Variants in SLC8A1 observed in about 807,000 individuals in gnomAD.
SLC8A1 encodes solute carrier family 8 member A1, also known as sodium/calcium exchanger 1.
In SLC8A1, 18 loss-of-function variants were observed where a neutral mutation model predicts 68.3. The ratio of observed to expected loss-of-function variants is 0.26; its 90% confidence interval spans 0.18 to 0.39. The LOEUF is 0.39. SLC8A1 is among the 10% of genes least tolerant of loss of function. SLC8A1 has a pLI of 1.00. For missense variants in SLC8A1, 985 were observed against 1,156.7 expected, an observed-to-expected ratio of 0.85 and a Z score of 2.15; for synonymous variants, 475 against 415.5, an observed-to-expected ratio of 1.14 and a Z score of -1.74.
intron 7 of SLC8A1, among the ~76,000 whole-genome samples, chr2:40,134,635 T>C (rs557250644): frequency 6.6e-6 from 1 of 152,298 alleles, no homozygotes; most frequent in Non-Finnish European, 1.5e-5. Context: ...ACACTAAAAA[T>C]CATCTACTTA....
intron 2 of SLC8A1, among the ~76,000 whole-genome samples, chr2:40,410,681 G>A (rs1691844152): frequency 6.6e-6 from 1 of 151,988 alleles, no homozygotes; most frequent in African/African-American, 2.4e-5. Context: ...TTACTTCACA[G>A]TTATCATTTT....
chr2:40,458,462 T>G (rs1433130222), intron 1 of SLC8A1, among the ~76,000 whole-genome samples: 2 of 152,020 alleles, frequency 1.3e-5, no homozygotes, highest in East Asian at 3.9e-4. Context: ...AGGGGACTGG[T>G]GTAGATGGAA....
upstream of SLC8A1, among the ~76,000 whole-genome samples, chr2:40,452,808 G>A (rs574558476): frequency 1.5e-4 from 23 of 151,544 alleles, no homozygotes; most frequent in South Asian, 2.1e-3. Context: ...GAGTCTCTGT[G>A]TTGGTATTTC....
At chr2:40,384,461 C>T (rs6747285) in intron 2 of SLC8A1, among the ~76,000 whole-genome samples, 107,475 of 151,836 alleles carry the variant, frequency 0.71, 39,603 homozygotes, top group African/African-American at 0.92. Context: ...AGGCAACATT[C>T]TCTAATTATC....
chr2:40,222,230 C>T (rs147397428), intron 2 of SLC8A1, among the ~76,000 whole-genome samples: 4,169 of 152,190 alleles, frequency 0.027, 214 homozygotes, highest in African/African-American at 0.094. Context: ...CACATATCTA[C>T]AACCATCTGA....
chr2:40,478,025 G>A (rs1042463158), intron 1 of SLC8A1, among the ~76,000 whole-genome samples: 3 of 152,112 alleles, frequency 2.0e-5, no homozygotes, highest in Non-Finnish European at 2.9e-5. Context: ...TTGGCTATAG[G>A]TTTTGACATC....
At chr2:40,371,968 A>G (rs914795453) in intron 2 of SLC8A1, among the ~76,000 whole-genome samples, 5 of 152,146 alleles carry the variant, frequency 3.3e-5, no homozygotes, top group African/African-American at 1.2e-4. Flanking sequence ...GTAACATCCT[A>G]CCCATGACTT....
At chr2:40,236,131 C>A (rs1372661562) in intron 2 of SLC8A1, among the ~76,000 whole-genome samples, 1 of 152,004 alleles carries the variant, frequency 6.6e-6, no homozygotes, top group Non-Finnish European at 1.5e-5. Context: ...TGGTGCAGAG[C>A]TGAGTTCAAT....
At chr2:40,128,977 C>A (rs2038753483) in intron 7 of SLC8A1, among the ~76,000 whole-genome samples, 1 of 152,096 alleles carries the variant, frequency 6.6e-6, no homozygotes, top group African/African-American at 2.4e-5. Context: ...TTGCCTGGGG[C>A]AGAGGGTGGA....
upstream of SLC8A1, chr2:40,453,187 ATC>A (rs1394311220): frequency 1.3e-5 from 2 of 152,144 alleles, no homozygotes; most frequent in East Asian, 1.9e-4. Context: ...ATGCTGTAGA[ATC>A]TGAGGCCGAA....
rs199965447 is a variant in SLC8A1 at position 40,380,248 on chromosome 2, G to GAC, written c.1808+48223_1808+48224dup. On this transcript the variant is annotated intron_variant, in intron 2 of 7. Transcript: ENST00000406785. ...GGCTTGACCCCAGGCCATGCTGATA[G>GAC]ACAGCAAGAGTCACACTCATATATA... Among the ~76,000 whole-genome samples the GAC allele has an allele frequency of 4.5e-3, 679 of 152,242 alleles. 1 individual carries two copies. Among genetic ancestry groups the GAC allele is most frequent in the African/African-American group, 0.015 (638 of 41,572 alleles).
intron 2 of SLC8A1, among the ~76,000 whole-genome samples, chr2:40,217,936 G>GA (rs144415183): frequency 0.61 from 92,467 of 151,028 alleles, 28,808 homozygotes; most frequent in Middle Eastern, 0.76. Flanking sequence ...TGTATTCTGA[G>GA]ATAAAATAGC....
intron 2 of SLC8A1, among the ~76,000 whole-genome samples, chr2:40,350,416 C>T (rs974761456): frequency 4.0e-5 from 6 of 151,820 alleles, no homozygotes; most frequent in Admixed American, 6.6e-5. Flanking sequence ...AGAAGGTTGA[C>T]GCTGCAATGA....
chr2:40,174,851 G>GA lies in SLC8A1; in HGVS notation c.1913-10dup, dbSNP rs1387254404. 15 of 1,606,706 alleles carry GA rather than the reference G, an allele frequency of 9.3e-6. No individual in the cohort carries two copies. The East Asian group carries it at 1.6e-4, about 17-fold the overall frequency. On this transcript the variant is annotated splice_polypyrimidine_tract_variant and intron_variant, in intron 3 of 7. Transcript: ENST00000406785. The stretch of plus-strand genomic sequence containing the variant: ...TGTTATTGTGAAGCCACCTAAAAAA[G>GA]AAAAAAACAACAACAAATGTTATAA...
intron 2 of SLC8A1, among the ~76,000 whole-genome samples, chr2:40,427,316 A>T (rs1302712706): frequency 6.6e-6 from 1 of 152,028 alleles, no homozygotes; most frequent in Admixed American, 6.6e-5. Context: ...TTCATATTTA[A>T]AGAGCATGCA....
intron 2 of SLC8A1, among the ~76,000 whole-genome samples, chr2:40,252,458 A>G (rs2062909944): frequency 6.6e-6 from 1 of 152,020 alleles, no homozygotes; most frequent in African/African-American, 2.4e-5. Flanking sequence ...CCAGCCTCCC[A>G]AGTAACTGGG....
intron 1 of SLC8A1, among the ~76,000 whole-genome samples, chr2:40,486,451 T>C (rs960534788): frequency 3.3e-5 from 5 of 152,196 alleles, no homozygotes; most frequent in Non-Finnish European, 7.3e-5. Context: ...GGATGCTTAA[T>C]CAGATCAAGT....
intron 1 of SLC8A1, among the ~76,000 whole-genome samples, chr2:40,438,031 G>C (rs1699769058): frequency 6.6e-6 from 1 of 152,084 alleles, no homozygotes; most frequent in Non-Finnish European, 1.5e-5. Flanking sequence ...CTAGTCCCCA[G>C]GTTAACGTAC....
chr2:40,273,404 T>C (rs2149146527), intron 2 of SLC8A1, among the ~76,000 whole-genome samples: 1 of 152,158 alleles, frequency 6.6e-6, no homozygotes, highest in East Asian at 1.9e-4. Flanking sequence ...CAAATACTCT[T>C]AATAAACTTT....
Sources: gnomAD v4.1 joint callset for allele counts (sites outside exome capture counted in the v4.1 genomes callset) on GRCh38, gnomAD v4.1.1 for gene constraint, MANE v1.5 for transcripts, NCBI Gene and HGNC (gene_info 2026-07-23, HGNC 2026-07-21) for gene names.